The following CDC73 variants were observed in gnomAD, a reference collection of about 807,000 sequenced individuals.
CDC73 encodes parafibromin.
CDC73 carries 21 observed loss-of-function variants against 83.7 expected under a neutral mutation model. The ratio of observed to expected loss-of-function variants is 0.25; its 90% confidence interval spans 0.18 to 0.36. The LOEUF (loss-of-function observed/expected upper bound fraction) is 0.36. Ranked by LOEUF, CDC73 falls within the 10% of genes least tolerant of loss-of-function variation. The probability of loss-of-function intolerance (pLI) is 1.00; values close to 1 mark genes in which losing one functional copy is unlikely to be tolerated. For synonymous variants in CDC73, 224 were observed against 212.9 expected, an observed-to-expected ratio of 1.05 and a Z score of -0.45; for missense variants, 342 against 653.3, an observed-to-expected ratio of 0.52 and a Z score of 5.19.
chr1:193,219,277 T>G (rs1410569022), intron 13 of CDC73, among the ~76,000 whole-genome samples: 1 of 152,186 alleles, frequency 6.6e-6, no homozygotes, highest in East Asian at 1.9e-4. Flanking sequence ...AAGGGAATGC[T>G]TATGTGCTCC....
rs1675465120 is a variant in CDC73 at position 193,122,269 on chromosome 1, C to A, written c.69C>A (p.Asp23Glu). ...AGAAGGAGATTGTGGTGAAGGGAGA[C>A]GAAGTGATCTTCGGGGAGTTCTCCT... Reference protein sequence around the residue: ...IQKKEIVVKGDEVIFGEFSWP... With the variant: ...IQKKEIVVKGEEVIFGEFSWP... Residue 23 changes from aspartate to glutamate, a missense_variant, in exon 1 of 17, where the codon GAC (aspartate) becomes GAA (glutamate). Around this residue, in one of 3 missense-constraint regions of CDC73, gnomAD observed 99 missense variants for 174.5 expected, o/e 0.57. Coordinates refer to ENST00000367435, the MANE Select transcript of CDC73 (RefSeq NM_024529.5). 2 of 1,614,042 alleles carry A rather than the reference C, an allele frequency of 1.2e-6. No individual in the cohort carries two copies.
chr1:193,215,966 A>T (rs1323922992), intron 13 of CDC73, among the ~76,000 whole-genome samples: 1 of 152,194 alleles, frequency 6.6e-6, no homozygotes, highest in East Asian at 1.9e-4. Context: ...AAGCAGTATT[A>T]AGAGGAAAGT....
chr1:193,185,775 CTTAT>C (rs1439978730), intron 10 of CDC73, among the ~76,000 whole-genome samples: 1 of 152,042 alleles, frequency 6.6e-6, no homozygotes, highest in Non-Finnish European at 1.5e-5. Flanking sequence ...ACATCTTCTT[CTTAT>C]TTGCCTTTTC....
At chr1:193,216,551 G>A (rs941919049) in intron 13 of CDC73, among the ~76,000 whole-genome samples, 3 of 151,720 alleles carry the variant, frequency 2.0e-5, no homozygotes, top group Non-Finnish European at 4.4e-5. Flanking sequence ...TACTGAAATC[G>A]CCCCAAAAAA....
At chr1:193,140,302 C>G (rs138723807) in intron 6 of CDC73, among the ~76,000 whole-genome samples, 2 of 152,274 alleles carry the variant, frequency 1.3e-5, no homozygotes, top group African/African-American at 4.8e-5. Context: ...TTAGTCTAGT[C>G]TCTGGTACTT....
rs1286819904 is a variant in CDC73, at chr1:193,249,794, A to G, written c.1482A>G (p.Val494=). Residue 494 remains valine, a synonymous_variant, in exon 16 of 17, where the codon GTA becomes GTG. Coordinates refer to ENST00000367435, the MANE Select transcript of CDC73 (RefSeq NM_024529.5). The part of the protein sequence containing the change: ...RLDPNVQKWD[V]TVLELSYHKR... The stretch of plus-strand genomic sequence containing the variant: ...ATCCAAATGTTCAGAAATGGGATGT[A>G]ACAGTATTAGAACTCAGCTATCACA... 6.2e-7 allele frequency: 1 copy of G among 1,611,634 alleles called. No individual in the cohort carries two copies. The highest frequency in any genetic ancestry group is 1.7e-5 in the Admixed American group (1 of 59,926).
At chr1:193,198,954 G>T (rs927476412) in intron 10 of CDC73, among the ~76,000 whole-genome samples, 1 of 152,172 alleles carries the variant, frequency 6.6e-6, no homozygotes, top group Admixed American at 6.5e-5. Context: ...TGTCTCAGCC[G>T]TTTAAGTGGT....
intron 10 of CDC73, among the ~76,000 whole-genome samples, chr1:193,184,605 TTAGTC>T (rs1296735581): frequency 7.9e-5 from 12 of 151,772 alleles, no homozygotes; most frequent in African/African-American, 2.9e-4. Flanking sequence ...GTTGATCTCT[TTAGTC>T]TGTTGGTGAT....
chr1:193,204,959 A>G (rs1436808210), intron 11 of CDC73, among the ~76,000 whole-genome samples: 2 of 152,128 alleles, frequency 1.3e-5, no homozygotes, highest in African/African-American at 4.8e-5. Context: ...TCTGTGTTGA[A>G]CACCTAAAAT....
intron 10 of CDC73, among the ~76,000 whole-genome samples, chr1:193,199,531 G>T (rs1677055014): frequency 1.3e-5 from 2 of 151,890 alleles, no homozygotes. Context: ...GGCCAACATG[G>T]TGAAACTCTG....
At chr1:193,126,358 A>G (rs182596904) in intron 2 of CDC73, among the ~76,000 whole-genome samples, 25 of 152,324 alleles carry the variant, frequency 1.6e-4, no homozygotes, top group Admixed American at 1.4e-3. Context: ...CTCAGAGGAA[A>G]TATTTGGAAA....
intron 10 of CDC73, among the ~76,000 whole-genome samples, chr1:193,165,359 A>C (rs1034628956): frequency 3.9e-5 from 6 of 152,252 alleles, no homozygotes; most frequent in African/African-American, 1.4e-4. Flanking sequence ...ATGAGTAAAA[A>C]ATCAAATATG....
chr1:193,223,183 A>T (rs1382583470), intron 13 of CDC73, among the ~76,000 whole-genome samples: 2 of 151,966 alleles, frequency 1.3e-5, no homozygotes, highest in African/African-American at 4.8e-5. Context: ...ATGTTGTTTC[A>T]TACATGATAA....
intron 10 of CDC73, among the ~76,000 whole-genome samples, chr1:193,153,420 A>T (rs1164878313): frequency 2.6e-5 from 4 of 152,204 alleles, no homozygotes; most frequent in Non-Finnish European, 5.9e-5. Flanking sequence ...ATGTGTATTA[A>T]ATAGAGTATA....
chr1:193,243,741 A>G (rs886472076), intron 15 of CDC73, among the ~76,000 whole-genome samples: 1 of 152,196 alleles, frequency 6.6e-6, no homozygotes, highest in African/African-American at 2.4e-5. Flanking sequence ...GAATGTTATT[A>G]CATGTAGCCC....
intron 10 of CDC73, chr1:193,179,072 A>G (rs1676663311): frequency 6.6e-6 from 1 of 152,176 alleles, no homozygotes; most frequent in Admixed American, 6.5e-5. Context: ...CTTTATTTTT[A>G]AAAACTTCAT....
intron 15 of CDC73, among the ~76,000 whole-genome samples, chr1:193,246,617 GT>G (rs970768314): frequency 5.3e-5 from 8 of 151,906 alleles, no homozygotes; most frequent in African/African-American, 1.4e-4. Flanking sequence ...ATTCCTAGCA[GT>G]TTTTTTCTCT....
chr1:193,182,905 T>G (rs1223128649), intron 10 of CDC73, among the ~76,000 whole-genome samples: 1 of 152,086 alleles, frequency 6.6e-6, no homozygotes, highest in Non-Finnish European at 1.5e-5. Flanking sequence ...TCCAACTTTT[T>G]ATTATGAAAA....
chr1:193,194,682 A>G (rs1292292722), intron 10 of CDC73, among the ~76,000 whole-genome samples: 1 of 152,150 alleles, frequency 6.6e-6, no homozygotes, highest in Non-Finnish European at 1.5e-5. Flanking sequence ...TGCTAATTGC[A>G]GTTCTGTGAT....
Sources: gnomAD v4.1 joint callset for allele counts (sites outside exome capture counted in the v4.1 genomes callset) on GRCh38, gnomAD v4.1.1 for gene constraint, gnomAD v4.1.1 regional missense constraint, MANE v1.5 for transcripts, NCBI Gene and HGNC (gene_info 2026-07-23, HGNC 2026-07-21) for gene names.